Variants in DSE observed in about 807,000 individuals in gnomAD.
The protein encoded by DSE is dermatan sulfate epimerase.
Under a neutral mutation model 84.4 loss-of-function variants are expected in DSE, and 36 were observed. The observed-to-expected ratio is 0.43, with a 90% confidence interval of 0.33 to 0.56. The LOEUF is 0.56. DSE is among the 20% of genes least tolerant of loss of function. DSE has a pLI of 0.06. For synonymous variants in DSE, 410 were observed against 430.1 expected (o/e 0.95, Z 0.58); for missense variants, 862 against 1,169.6 (o/e 0.74, Z 3.84).
intron 2 of DSE, among the ~76,000 whole-genome samples, chr6:116,290,750 T>G (rs1774225962): frequency 6.6e-6 from 1 of 152,108 alleles, no homozygotes; most frequent in Admixed American, 6.6e-5. Context: ...ATCTACCCAT[T>G]TGTGGTCTCT....
chr6:116,403,666 T>A (rs1781741074), intron 2 of DSE, among the ~76,000 whole-genome samples: 1 of 151,996 alleles, frequency 6.6e-6, no homozygotes, highest in Admixed American at 6.6e-5. Context: ...GGTTGGTTGG[T>A]TGGTTGGTTT....
chr6:116,399,596 T>C lies in DSE; in HGVS notation c.346T>C (p.Tyr116His). 1 of 1,614,246 alleles carries C rather than the reference T, an allele frequency of 6.2e-7. No individual in the cohort carries two copies. Among genetic ancestry groups the C allele is most frequent in the South Asian group, 1.1e-5 (1 of 91,086 alleles). ...TGCCTTGGCAATGTTCTGTGTGCTGTATCCTGAGAACATTGAAGCCCGAGA... is the reference window on the plus strand; with the variant it reads ...TGCCTTGGCAATGTTCTGTGTGCTGCATCCTGAGAACATTGAAGCCCGAGA... ...LGALAMFCVLYPENIEARDMA... is the reference protein window; with the variant it reads ...LGALAMFCVLHPENIEARDMA... The change falls in exon 2 of 6, where the codon TAT becomes CAT. Residue 116 changes from tyrosine to histidine, a missense_variant. Tyr to His is a moderately conservative substitution (Grantham distance 83). This residue lies in a region of DSE where 309 missense variants were observed against 516.9 expected (regional missense o/e 0.60). Coordinates refer to ENST00000644252, the MANE Select transcript of DSE (RefSeq NM_013352.4).
intron 2 of DSE, among the ~76,000 whole-genome samples, chr6:116,351,596 A>G (rs1382253076): frequency 6.6e-6 from 1 of 152,154 alleles, no homozygotes; most frequent in East Asian, 1.9e-4. Context: ...TCATTATAAA[A>G]TAGCTACATA....
intron 2 of DSE, among the ~76,000 whole-genome samples, chr6:116,365,260 CT>C: frequency 6.6e-6 from 1 of 150,632 alleles, no homozygotes; most frequent in South Asian, 2.1e-4. Context: ...ATCGGAAGTT[CT>C]TTTTTTGTGG....
At chr6:116,316,823 C>CTATTAT (rs1295122719) in intron 2 of DSE, among the ~76,000 whole-genome samples, 19 of 88,342 alleles carry the variant, frequency 2.2e-4, no homozygotes, top group East Asian at 1.3e-3. Flanking sequence ...ACTACTACTA[C>CTATTAT]TACTATTATT....
At chr6:116,388,601 A>G (rs999636638) in intron 1 of DSE, among the ~76,000 whole-genome samples, 7 of 152,236 alleles carry the variant, frequency 4.6e-5, no homozygotes, top group African/African-American at 1.7e-4. Context: ...CAGTTGAAAG[A>G]TAATATACAT....
intron 2 of DSE, among the ~76,000 whole-genome samples, chr6:116,412,126 CTG>C (rs1442082599): frequency 6.6e-6 from 1 of 152,148 alleles, no homozygotes; most frequent in Non-Finnish European, 1.5e-5. Context: ...TTCTTTGAAA[CTG>C]TATTCCCAGG....
intron 2 of DSE, among the ~76,000 whole-genome samples, chr6:116,268,631 A>G (rs912370552): frequency 1.3e-5 from 2 of 152,240 alleles, no homozygotes; most frequent in African/African-American, 4.8e-5. Context: ...AGCCCTATTC[A>G]TCGTAATAAC....
At chr6:116,403,147 G>A (rs1023389866) in intron 2 of DSE, among the ~76,000 whole-genome samples, 6 of 152,094 alleles carry the variant, frequency 3.9e-5, no homozygotes. Flanking sequence ...GCAGAATGAT[G>A]AGACTAATCT....
Position 116,371,069 on chromosome 6 carries a change from C to T in DSE, c.-106C>T, listed in dbSNP as rs1220817580. 7.1e-6 allele frequency: 7 copies of T among 985,948 alleles called. No individual in the cohort carries two copies. In the South Asian group the frequency reaches 1.9e-4, roughly 26 times the overall value. The allele number at this position is 985,948 out of a possible 1,614,324, so 61.1% of individuals were successfully genotyped here. A position where few individuals can be genotyped will look rare whatever the true frequency, so the allele number is the denominator to read the frequency against. On this transcript the variant is annotated 5_prime_UTR_variant, in exon 1 of 6. Coordinates refer to ENST00000644252, the MANE Select transcript of DSE (RefSeq NM_013352.4). ...TGGAGTGAGGAGGACCGGGAGCTGGCTCTGGAGGCTGCGGAGGCGACGCCG... is the reference window on the plus strand; with the variant it reads ...TGGAGTGAGGAGGACCGGGAGCTGGTTCTGGAGGCTGCGGAGGCGACGCCG...
intron 1 of DSE, among the ~76,000 whole-genome samples, chr6:116,379,732 C>G (rs1291640851): frequency 1.3e-5 from 2 of 152,118 alleles, no homozygotes; most frequent in Admixed American, 1.3e-4. Context: ...CTTCATGTGG[C>G]TTGCATAGAA....
chr6:116,368,973 T>C (rs1779339023), upstream of DSE, among the ~76,000 whole-genome samples: 1 of 151,546 alleles, frequency 6.6e-6, no homozygotes, highest in Admixed American at 6.6e-5. Context: ...GTGAATGTCA[T>C]CCAGAGGCCA....
At chr6:116,258,813 G>C (rs1291423706) in exon 2 of DSE, 1 of 1,608,394 alleles carries the variant, frequency 6.2e-7, no homozygotes, top group East Asian at 2.2e-5. Context: ...CTGTGAGCAG[G>C]TGTATGACCT....
intron 2 of DSE, among the ~76,000 whole-genome samples, chr6:116,415,475 C>T (rs140049197): frequency 9.2e-5 from 14 of 151,926 alleles, no homozygotes; most frequent in Middle Eastern, 3.4e-3. Context: ...GAAACTTATC[C>T]CCTTTAGTTC....
At chr6:116,279,976 C>G in intron 2 of DSE, 1 of 1,186,484 alleles carries the variant, frequency 8.4e-7, no homozygotes, top group East Asian at 2.5e-5. Context: ...CTCACGGTAT[C>G]GCGAGAACTT....
At chr6:116,390,218 C>G (rs182755472) in intron 1 of DSE, among the ~76,000 whole-genome samples, 1 of 152,118 alleles carries the variant, frequency 6.6e-6, no homozygotes, top group African/African-American at 2.4e-5. Context: ...CAGGTACATG[C>G]CACAACACCC....
chr6:116,270,012 G>T (rs1426941154), intron 2 of DSE, among the ~76,000 whole-genome samples: 1 of 151,964 alleles, frequency 6.6e-6, no homozygotes, highest in Non-Finnish European at 1.5e-5. Context: ...CTTCTGCTCT[G>T]ATAGAGTTAT....
At chr6:116,258,685 A>G in exon 2 of DSE, 1 of 1,607,826 alleles carries the variant, frequency 6.2e-7, no homozygotes. Context: ...CACACGGCGA[A>G]GTGGGGACAC....
At chr6:116,378,632 C>T (rs958038917) in intron 1 of DSE, among the ~76,000 whole-genome samples, 5 of 152,062 alleles carry the variant, frequency 3.3e-5, no homozygotes, top group South Asian at 2.1e-4. Flanking sequence ...TTTGAAGAAA[C>T]ATTTAATTAA....
Sources: allele counts gnomAD v4.1 joint callset (sites outside exome capture counted in the v4.1 genomes callset), GRCh38; gene constraint gnomAD v4.1.1; regional missense constraint gnomAD v4.1.1; transcripts MANE v1.5; gene names NCBI Gene and HGNC (gene_info 2026-07-23, HGNC 2026-07-21).